The following LPIN2 variants were observed in gnomAD, a reference collection of about 807,000 sequenced individuals.
LPIN2 encodes the protein lipin 2.
A neutral mutation model predicts 111.4 loss-of-function variants in LPIN2; 55 were observed. That is an observed-to-expected ratio of 0.49 (90% CI 0.40 to 0.62). The LOEUF is 0.62. Ranked by LOEUF, LPIN2 falls within the 20% of genes least tolerant of loss-of-function variation. The pLI, the probability that LPIN2 is intolerant of heterozygous loss-of-function variation, is 0.00. For synonymous variants in LPIN2, 425 were observed against 414.0 expected, an observed-to-expected ratio of 1.03 and a Z score of -0.32; for missense variants, 992 against 1,112.1, an observed-to-expected ratio of 0.89 and a Z score of 1.54.
At chr18:2,994,905 C>T (rs1413995220) in intron 1 of LPIN2, among the ~76,000 whole-genome samples, 1 of 152,162 alleles carries the variant, frequency 6.6e-6, no homozygotes, top group Admixed American at 6.5e-5. Context: ...TGGGTCCCCA[C>T]AAACATGTTA....
At chr18:2,949,965 G>GT (rs1243341336) in intron 4 of LPIN2, among the ~76,000 whole-genome samples, 1 of 152,044 alleles carries the variant, frequency 6.6e-6, no homozygotes, top group Non-Finnish European at 1.5e-5. Flanking sequence ...GCTGGGTGTA[G>GT]GGGTAAGCAC....
chr18:3,010,552 C>T (rs531064001), intron 1 of LPIN2, among the ~76,000 whole-genome samples: 28 of 152,260 alleles, frequency 1.8e-4, no homozygotes, highest in Admixed American at 7.2e-4. Context: ...CAAACCACTG[C>T]CTACCAATCT....
At chr18:2,984,283 A>G (rs637854) in intron 1 of LPIN2, among the ~76,000 whole-genome samples, 143,670 of 152,274 alleles carry the variant, frequency 0.94, 68,072 homozygotes, top group East Asian at 1. Flanking sequence ...AGTATCGTGG[A>G]CCTGCAGTAC....
At chr18:2,945,764 ATTT>A in intron 4 of LPIN2, 7 of 1,214,612 alleles carry the variant, frequency 5.8e-6, no homozygotes, top group Non-Finnish European at 8.6e-6. Flanking sequence ...ACAATGTGCT[ATTT>A]GCTTCTACTC....
intron 1 of LPIN2, among the ~76,000 whole-genome samples, chr18:2,975,436 G>A (rs1385394463): frequency 6.6e-6 from 1 of 152,164 alleles, no homozygotes; most frequent in Non-Finnish European, 1.5e-5. Context: ...CCGGGTTCAA[G>A]TGATTCTCCT....
At chr18:2,941,302 A>G (rs544589056) in intron 4 of LPIN2, among the ~76,000 whole-genome samples, 124 of 152,314 alleles carry the variant, frequency 8.1e-4, no homozygotes, top group South Asian at 1.7e-3. Context: ...ATTATCTGAG[A>G]AGGTTTCCTT....
At chr18:2,967,388 TG>T (rs1251481627) in intron 1 of LPIN2, among the ~76,000 whole-genome samples, 2 of 152,070 alleles carry the variant, frequency 1.3e-5, no homozygotes, top group Non-Finnish European at 2.9e-5. Flanking sequence ...AATATGAATC[TG>T]GGGGGGATTC....
chr18:2,981,299 C>A (rs187485212), intron 1 of LPIN2, among the ~76,000 whole-genome samples: 93 of 152,310 alleles, frequency 6.1e-4, no homozygotes, highest in Non-Finnish European at 1.2e-3. Context: ...TCATTACAGG[C>A]TACTAAGCAG....
intron 1 of LPIN2, among the ~76,000 whole-genome samples, chr18:2,978,176 G>C (rs2078050762): frequency 6.6e-6 from 1 of 151,906 alleles, no homozygotes; most frequent in South Asian, 2.1e-4. Flanking sequence ...GACAGAGCAA[G>C]ACTCTGTCTT....
In LPIN2 at chr18:2,954,501, T is replaced by C; in HGVS notation, c.288+3A>G. On this transcript the variant is annotated splice_donor_region_variant and intron_variant, in intron 3 of 19. Coordinates refer to ENST00000677752, the MANE Select transcript of LPIN2 (RefSeq NM_001375808.2). ...AAGGAGGGTGTAACCCATGCAAACT[T>C]ACATATTCTTCTTCAGTCTCCTCAA... The C allele has an allele frequency of 1.2e-6, 2 of 1,610,602 alleles. No individual in the cohort carries two copies. Among genetic ancestry groups the C allele is most frequent in the Non-Finnish European group, 8.5e-7 (1 of 1,176,798 alleles).
chr18:2,976,770 A>G (rs1244360960), intron 1 of LPIN2, among the ~76,000 whole-genome samples: 1 of 152,240 alleles, frequency 6.6e-6, no homozygotes, highest in African/African-American at 2.4e-5. Context: ...ATAAGAAGAA[A>G]TGATGATTAA....
intron 8 of LPIN2, among the ~76,000 whole-genome samples, chr18:2,934,119 G>A (rs956433175): frequency 5.9e-5 from 9 of 152,196 alleles, no homozygotes; most frequent in Non-Finnish European, 1.2e-4. Context: ...GGTTTAACTA[G>A]TATATCTCTC....
At chr18:3,003,969 A>C (rs1186611663) in intron 1 of LPIN2, among the ~76,000 whole-genome samples, 1 of 152,028 alleles carries the variant, frequency 6.6e-6, no homozygotes, top group African/African-American at 2.4e-5. Flanking sequence ...GAAGGAATGC[A>C]TTCCTGGGGG....
intron 1 of LPIN2, among the ~76,000 whole-genome samples, chr18:2,964,925 T>G (rs2077770176): frequency 6.6e-6 from 1 of 152,222 alleles, no homozygotes; most frequent in African/African-American, 2.4e-5. Flanking sequence ...GTGAACTGAT[T>G]GGGTCTACTC....
chr18:3,009,526 C>T (rs143376098), intron 1 of LPIN2, among the ~76,000 whole-genome samples: 5,112 of 151,884 alleles, frequency 0.034, 295 homozygotes, highest in African/African-American at 0.12. Flanking sequence ...GCAACTTCTG[C>T]CTCCCAGGTT....
chr18:2,956,442 T>A (rs1212710782), intron 2 of LPIN2, among the ~76,000 whole-genome samples: 2 of 152,126 alleles, frequency 1.3e-5, no homozygotes, highest in Non-Finnish European at 2.9e-5. Flanking sequence ...AATAAGCAGA[T>A]CTTTGTTCGT....
intron 1 of LPIN2, among the ~76,000 whole-genome samples, chr18:2,968,545 CTG>C (rs1421002415): frequency 6.6e-6 from 1 of 150,952 alleles, no homozygotes. Context: ...ATTTGGGAGA[CTG>C]TTAGGAAGAC....
chr18:2,961,336 T>C (rs180710253), intron 1 of LPIN2, among the ~76,000 whole-genome samples: 10 of 152,296 alleles, frequency 6.6e-5, no homozygotes, highest in African/African-American at 2.4e-4. Context: ...AGAGCTACAT[T>C]TTGTAAGGAA....
At position 2,927,650 on chromosome 18, in the gene LPIN2, A is replaced by G. The variant is rs2077153799; in HGVS notation, c.1710+72T>C. The stretch of plus-strand genomic sequence containing the variant: ...ACAGTCCAAATTCCTGTGCCTGACA[A>G]AAAGGTTTTTTGAATAAATGAAAGA... On this transcript the variant is annotated intron_variant, in intron 12 of 19. Transcript: ENST00000677752. 1.4e-5 allele frequency: 21 copies of G among 1,551,334 alleles called. No homozygotes were observed. The South Asian group carries it at 2.3e-4, about 17-fold the overall frequency.
Sources: allele counts gnomAD v4.1 joint callset (sites outside exome capture counted in the v4.1 genomes callset), GRCh38; gene constraint gnomAD v4.1.1; transcripts MANE v1.5; gene names NCBI Gene and HGNC (gene_info 2026-07-23, HGNC 2026-07-21).